The following RBMS3 variants were observed in gnomAD, a reference collection of about 807,000 sequenced individuals.
The protein encoded by RBMS3 is RNA binding motif single stranded interacting protein 3.
Under a neutral mutation model 66.8 loss-of-function variants are expected in RBMS3, and 27 were observed. The ratio of observed to expected loss-of-function variants is 0.40; its 90% CI spans 0.30 to 0.56. The LOEUF (loss-of-function observed/expected upper bound fraction) is 0.56, where lower values mean the gene tolerates loss of function less well. Among genes scored for constraint, RBMS3 ranks in the 20% least tolerant of loss-of-function variants. The probability of loss-of-function intolerance (pLI) is 0.40; values close to 1 mark genes in which losing one functional copy is unlikely to be tolerated. For synonymous variants in RBMS3, 188 were observed against 183.0 expected (o/e 1.03, Z -0.22); for missense variants, 513 against 549.5 (o/e 0.93, Z 0.66).
intron 1 of RBMS3, among the ~76,000 whole-genome samples, chr3:29,354,548 A>G (rs1255400765): frequency 1.3e-5 from 2 of 152,014 alleles, no homozygotes; most frequent in African/African-American, 4.8e-5. Context: ...GACTATTTGT[A>G]TCCATGGTGC....
chr3:29,562,523 GT>G lies in RBMS3; in HGVS notation c.308-24590del, dbSNP rs530354092. On this transcript the variant is annotated intron_variant, in intron 3 of 14. Transcript: ENST00000383767. ...TACGATGTTGATTATGGAGTCACCT[GT>G]GTCAAGTGAGGACTTGCTACCTCCA... is the stretch of plus-strand genomic sequence containing the variant. 7.9e-5 allele frequency among the ~76,000 whole-genome samples: 12 copies of G among 152,312 alleles called. No individual in the cohort carries two copies. In the East Asian group the frequency reaches 2.3e-3, roughly 29 times the overall value.
intron 6 of RBMS3, among the ~76,000 whole-genome samples, chr3:29,843,350 T>G (rs577008165): frequency 1.3e-5 from 2 of 152,318 alleles, no homozygotes; most frequent in Non-Finnish European, 2.9e-5. Flanking sequence ...GAGTTTAAAA[T>G]CTAGAGATAG....
At chr3:29,843,818 A>G (rs2058717220) in intron 6 of RBMS3, among the ~76,000 whole-genome samples, 1 of 152,052 alleles carries the variant, frequency 6.6e-6, no homozygotes, top group Admixed American at 6.5e-5. Context: ...GCATTGTGAT[A>G]TGCATCTGTA....
intron 6 of RBMS3, among the ~76,000 whole-genome samples, chr3:29,817,044 T>C (rs758647494): frequency 6.6e-6 from 1 of 152,040 alleles, no homozygotes; most frequent in Non-Finnish European, 1.5e-5. Context: ...TGAGCCGAGA[T>C]CGAACCACTG....
At position 29,884,188 on chromosome 3, in the gene RBMS3, C is replaced by T. The variant is rs1251783620; in HGVS notation, c.771C>T (p.Pro257=). ...CTGGCATGGCTTTGACCTATGACCCCACAGCTGCCATACAGAATGGGTAAG... is the reference window on the plus strand; with the variant it reads ...CTGGCATGGCTTTGACCTATGACCCTACAGCTGCCATACAGAATGGGTAAG... ...GEAGMALTYD[P]TAAIQNGFYS... is the part of the protein sequence containing the mutation. Residue 257 remains proline, a synonymous_variant, in exon 8 of 15, where the codon CCC becomes CCT. Coordinates refer to ENST00000383767, the MANE Select transcript of RBMS3 (RefSeq NM_001003793.3). 4 of 1,611,562 alleles carry T rather than the reference C, an allele frequency of 2.5e-6. No individual in the cohort carries two copies.
chr3:29,450,972 CT>C (rs2041999459), intron 2 of RBMS3, among the ~76,000 whole-genome samples: 3 of 151,966 alleles, frequency 2.0e-5, no homozygotes, highest in African/African-American at 7.2e-5. Flanking sequence ...CTTGTCAACA[CT>C]TTCATATTTG....
intron 1 of RBMS3, among the ~76,000 whole-genome samples, chr3:29,419,484 C>T (rs1191290526): frequency 1.3e-5 from 2 of 152,078 alleles, no homozygotes; most frequent in Non-Finnish European, 2.9e-5. Context: ...GTCTTTGTTA[C>T]ATTATCATAA....
At chr3:29,739,041 C>A (rs1187078073) in intron 4 of RBMS3, among the ~76,000 whole-genome samples, 2 of 152,096 alleles carry the variant, frequency 1.3e-5, no homozygotes, top group Admixed American at 1.3e-4. Context: ...ATTATGAACT[C>A]TCATTAAATG....
rs1002567795 is a variant in RBMS3, at chr3:29,473,871, G to A, written c.249-14570G>A. On this transcript the variant is annotated intron_variant, in intron 2 of 14. Coordinates refer to ENST00000383767, the MANE Select transcript of RBMS3 (RefSeq NM_001003793.3). Reference sequence around the variant, plus strand: ...AGCGCCGCGCGCAGCCCCGGTTCCCGCTCGCGCCTCTCCCTCCATACCTCT... The same window carrying A: ...AGCGCCGCGCGCAGCCCCGGTTCCCACTCGCGCCTCTCCCTCCATACCTCT... Among the ~76,000 whole-genome samples the A allele has an allele frequency of 1.2e-4, 18 of 152,362 alleles. No homozygotes were observed. The South Asian group carries it at 2.9e-3, about 25-fold the overall frequency.
At chr3:29,355,764 G>GA (rs2037190621) in intron 1 of RBMS3, among the ~76,000 whole-genome samples, 1 of 151,670 alleles carries the variant, frequency 6.6e-6, no homozygotes, top group Admixed American at 6.6e-5. Flanking sequence ...CCCCCACAAA[G>GA]AAAAAATCAT....
At chr3:29,556,102 G>A (rs1369473652) in intron 3 of RBMS3, among the ~76,000 whole-genome samples, 1 of 148,428 alleles carries the variant, frequency 6.7e-6, no homozygotes, top group Non-Finnish European at 1.5e-5. Flanking sequence ...CGTATCATAA[G>A]TGGTCTATCA....
chr3:29,384,717 G>A (rs1394264320), intron 1 of RBMS3, among the ~76,000 whole-genome samples: 2 of 152,156 alleles, frequency 1.3e-5, no homozygotes, highest in Non-Finnish European at 2.9e-5. Context: ...AGACATGACT[G>A]TTTCAGAGGT....
intron 10 of RBMS3, among the ~76,000 whole-genome samples, chr3:29,913,594 G>A (rs2060569461): frequency 6.6e-6 from 1 of 151,896 alleles, no homozygotes; most frequent in South Asian, 2.1e-4. Flanking sequence ...TGTGCTCTTG[G>A]CTTTATTTTC....
intron 3 of RBMS3, among the ~76,000 whole-genome samples, chr3:29,542,663 T>G (rs1206904356): frequency 6.6e-6 from 1 of 152,094 alleles, no homozygotes; most frequent in Admixed American, 6.6e-5. Flanking sequence ...GCCCAGCCCA[T>G]CCCCAATTTT....
intron 3 of RBMS3, among the ~76,000 whole-genome samples, chr3:29,571,862 A>G (rs7638361): frequency 0.33 from 50,547 of 151,974 alleles, 10,090 homozygotes; most frequent in African/African-American, 0.55. Context: ...ATTGTTTTGG[A>G]TAGTATGCAC....
chr3:29,421,280 T>C (rs560620830), intron 1 of RBMS3, among the ~76,000 whole-genome samples: 1 of 152,320 alleles, frequency 6.6e-6, no homozygotes, highest in African/African-American at 2.4e-5. Flanking sequence ...ATTCTTATGC[T>C]GTGGACTATT....
intron 1 of RBMS3, among the ~76,000 whole-genome samples, chr3:29,315,951 T>A (rs2034646965): frequency 1.3e-5 from 2 of 151,840 alleles, no homozygotes; most frequent in South Asian, 4.1e-4. Flanking sequence ...CTTCTTGAGA[T>A]AAATGCTGTA....
intron 4 of RBMS3, among the ~76,000 whole-genome samples, chr3:29,679,593 C>A (rs905195136): frequency 3.9e-5 from 6 of 151,976 alleles, no homozygotes; most frequent in Non-Finnish European, 5.9e-5. Flanking sequence ...ACAGGCCAAG[C>A]AGTGAACCCT....
At chr3:29,466,116 T>A (rs905271829) in intron 2 of RBMS3, among the ~76,000 whole-genome samples, 3 of 152,084 alleles carry the variant, frequency 2.0e-5, no homozygotes, top group African/African-American at 7.2e-5. Flanking sequence ...GAAATGCTTT[T>A]AATGAACTAT....
Sources: allele counts gnomAD v4.1 joint callset (sites outside exome capture counted in the v4.1 genomes callset), GRCh38; gene constraint gnomAD v4.1.1; transcripts MANE v1.5; gene names NCBI Gene and HGNC (gene_info 2026-07-23, HGNC 2026-07-21).